MIA2: variants seen among roughly 807,000 people sequenced by gnomAD.
MIA2 encodes the protein MIA SH3 domain ER export factor 2.
In MIA2, 127 loss-of-function variants were observed where a neutral mutation model predicts 167.8. That is an observed-to-expected ratio of 0.76 (90% confidence interval 0.66 to 0.88). The LOEUF (loss-of-function observed/expected upper bound fraction) is 0.88, where lower values mean the gene tolerates loss of function less well. Ranked by LOEUF, MIA2 falls within the 40% of genes least tolerant of loss-of-function variation. MIA2 has a pLI of 0.00. For missense variants in MIA2, 1,690 were observed against 1,624.7 expected (o/e 1.04, Z -0.69); for synonymous variants, 552 against 541.9 (o/e 1.02, Z -0.26).
At chr14:39,319,439 T>C (rs1194273486) in intron 23 of MIA2, 148 bp downstream of exon 23, 2 of 381,666 alleles carry the variant, frequency 5.2e-6, no homozygotes, top group East Asian at 8.0e-5. Flanking sequence ...CTAAGCTTTC[T>C]CATAGACTCA....
intron 6 of MIA2, among the ~76,000 whole-genome samples, chr14:39,259,698 GTTTTTTTTTTTTT>G (rs10556014): frequency 1.7e-5 from 2 of 115,374 alleles, no homozygotes; most frequent in Non-Finnish European, 3.4e-5. Flanking sequence ...GCCTGGCTAG[GTTTTTTTTTTTTT>G]TTTTTTTTTT....
chr14:39,369,092 A>G (rs1169917910), intron 23 of MIA2, among the ~76,000 whole-genome samples: 1 of 152,204 alleles, frequency 6.6e-6, no homozygotes, highest in East Asian at 1.9e-4. Context: ...TTTTAAATGT[A>G]AGATGGACTG....
rs566978378 is a variant in MIA2 at position 39,249,465 on chromosome 14, C to G, written c.1567+1324C>G. ...TCAGCCTCTCAAAGTGCTGGGAATA[C>G]AGGCATGAGCTACCGTGCCCAGCTG... is the stretch of plus-strand genomic sequence containing the variant. On this transcript the variant is annotated intron_variant, in intron 4 of 28. Transcript: ENST00000640607. 3.3e-5 allele frequency among the ~76,000 whole-genome samples: 5 copies of G among 151,986 alleles called. No individual in the cohort carries two copies. In the South Asian group the frequency reaches 8.3e-4, roughly 25 times the overall value.
intron 6 of MIA2, among the ~76,000 whole-genome samples, chr14:39,275,199 G>C (rs1038499059): frequency 8.0e-6 from 1 of 124,894 alleles, no homozygotes. Flanking sequence ...ACCCAGGCTT[G>C]AGTGTAGTGG....
rs1434180085 is a variant in MIA2 at position 39,308,455 on chromosome 14, T to C, written c.2885T>C (p.Ile962Thr). The change falls in exon 18 of 29, where the codon ATT becomes ACT. Residue 962 changes from isoleucine to threonine, a missense_variant. Transcript: ENST00000640607. ...ACTTAAAATTTTTATATAGAGCATA[T>C]TAAAAATCTTCAGACTGAACAAGCA... ...DKTKEELTEH[I>T]KNLQTEQASL... 6.6e-7 allele frequency: 1 copy of C among 1,514,588 alleles called. No homozygotes were observed. The highest frequency in any genetic ancestry group is 1.4e-5 in the African/African-American group (1 of 70,230). 93.8% of individuals were successfully genotyped at this position (1,514,588 alleles called of 1,614,324 possible). A position where few individuals can be genotyped will look rare whatever the true frequency, so the allele number is the denominator to read the frequency against.
At chr14:39,268,934 C>T in intron 6 of MIA2, 1 of 885,068 alleles carries the variant, frequency 1.1e-6, no homozygotes, top group Non-Finnish European at 1.4e-6. Context: ...ATTTCCCTTT[C>T]TTCACTAAAA....
In MIA2 at chr14:39,291,000, T is replaced by C. The variant is rs1453917036; in HGVS notation, c.2131-19T>C. 2 of 1,592,536 alleles carry C rather than the reference T, an allele frequency of 1.3e-6. No individual in the cohort carries two copies. Among genetic ancestry groups the C allele is most frequent in the Non-Finnish European group, 1.7e-6 (2 of 1,168,716 alleles). ...ATACAATTGGTAGAGTTTTTACTTG[T>C]GATGTTGCTTTGTTTCAGTATGAAG... On this transcript the variant is annotated intron_variant, in intron 9 of 28. Coordinates refer to ENST00000640607, the MANE Select transcript of MIA2 (RefSeq NM_001329214.4).
chr14:39,322,643 A>G (rs1008969760), intron 24 of MIA2, among the ~76,000 whole-genome samples: 2 of 151,272 alleles, frequency 1.3e-5, no homozygotes, highest in Non-Finnish European at 2.9e-5. Context: ...TTCTACATTT[A>G]TCTCATCAGC....
At chr14:39,271,682 C>G (rs954271909) in intron 6 of MIA2, among the ~76,000 whole-genome samples, 1 of 152,022 alleles carries the variant, frequency 6.6e-6, no homozygotes, top group African/African-American at 2.4e-5. Context: ...GTAATCCCAG[C>G]ACTTTGGGAG....
chr14:39,351,924 C>T (rs963661778), downstream of MIA2, among the ~76,000 whole-genome samples: 1 of 152,150 alleles, frequency 6.6e-6, no homozygotes, highest in Non-Finnish European at 1.5e-5. Flanking sequence ...ATTTCTTTCT[C>T]AGTAAATCCA....
intron 6 of MIA2, among the ~76,000 whole-genome samples, chr14:39,260,204 TC>T (rs2055027998): frequency 1.3e-5 from 2 of 152,210 alleles, no homozygotes; most frequent in African/African-American, 2.4e-5. Flanking sequence ...TGATTTATAA[TC>T]CTTTGGGTAT....
At chr14:39,314,858 A>T in intron 20 of MIA2, 59 bp downstream of exon 20, 1 of 1,174,170 alleles carries the variant, frequency 8.5e-7, no homozygotes, top group Non-Finnish European at 1.1e-6. Context: ...AATTTAAAAC[A>T]ATTCTGATTT....
chr14:39,270,757 A>G (rs571895417), intron 6 of MIA2, among the ~76,000 whole-genome samples: 129 of 152,182 alleles, frequency 8.5e-4, no homozygotes, highest in Non-Finnish European at 1.4e-3. Context: ...CTTATTGTTT[A>G]TATCTTCTTT....
In MIA2 at chr14:39,313,427, G is replaced by C. The variant is rs2064719871; in HGVS notation, c.3105G>C (p.Glu1035Asp). The C allele has an allele frequency of 1.9e-6, 3 of 1,595,404 alleles. No individual in the cohort carries two copies. The South Asian group carries it at 3.4e-5, about 18-fold the overall frequency. The change falls in exon 19 of 29, where the codon GAG (glutamate) becomes GAC (aspartate). Residue 1035 changes from glutamate to aspartate, a missense_variant. By Grantham distance (45) the Glu-to-Asp change is conservative (BLOSUM62 2). Transcript: ENST00000640607. ...VDEKISHATE[E>D]LETYRKRAKD... ...AAAAGATCAGCCATGCCACTGAAGA[G>C]CTGGAGACCTATAGGTATTAAATAC...
At chr14:39,320,219 G>C (rs1057117707) in intron 23 of MIA2, among the ~76,000 whole-genome samples, 6 of 151,976 alleles carry the variant, frequency 3.9e-5, no homozygotes, top group African/African-American at 4.8e-5. Context: ...AATTTAACAT[G>C]TTTTAAAAAT....
chr14:39,333,973 A>G (rs1595748026), intron 25 of MIA2, among the ~76,000 whole-genome samples: 1 of 152,368 alleles, frequency 6.6e-6, no homozygotes, highest in Non-Finnish European at 1.5e-5. Context: ...TCAATGTCAT[A>G]GACAAGGGTA....
intron 3 of MIA2, among the ~76,000 whole-genome samples, chr14:39,243,884 A>G (rs1246519922): frequency 7.2e-5 from 11 of 152,216 alleles, no homozygotes; most frequent in Admixed American, 3.3e-4. Flanking sequence ...AACAGAAAAA[A>G]GAATGAAGAC....
intron 3 of MIA2, among the ~76,000 whole-genome samples, chr14:39,245,328 G>T (rs1430332808): frequency 6.6e-6 from 1 of 151,954 alleles, no homozygotes. Flanking sequence ...GGAAGAAGAA[G>T]AATTAATTGT....
chr14:39,267,370 T>A (rs1594780638), intron 6 of MIA2: 1 of 1,593,952 alleles, frequency 6.3e-7, no homozygotes, highest in East Asian at 2.2e-5. Flanking sequence ...GGATTCGGGT[T>A]CCGGACCGAA....
Sources: allele counts gnomAD v4.1 joint callset (sites outside exome capture counted in the v4.1 genomes callset), GRCh38; gene constraint gnomAD v4.1.1; transcripts MANE v1.5; gene names NCBI Gene and HGNC (gene_info 2026-07-23, HGNC 2026-07-21).